Variants in WAC observed in about 807,000 individuals in gnomAD.
WAC encodes the protein WW domain containing adaptor with coiled-coil, also known as WW domain-containing adapter protein with coiled-coil.
Under a neutral mutation model 79.6 loss-of-function variants are expected in WAC, and 11 were observed. The ratio of observed to expected loss-of-function variants is 0.14; its 90% CI spans 0.09 to 0.23. The LOEUF (loss-of-function observed/expected upper bound fraction) is 0.23. WAC is among the 10% of genes least tolerant of loss of function. WAC has a pLI of 1.00. For missense variants in WAC, 728 were observed against 773.5 expected (o/e 0.94, Z 0.70); for synonymous variants, 304 against 276.9 (o/e 1.10, Z -0.97).
intron 3 of WAC, among the ~76,000 whole-genome samples, chr10:28,564,075 A>C (rs1000593749): frequency 6.6e-6 from 1 of 151,834 alleles, no homozygotes; most frequent in African/African-American, 2.4e-5. Flanking sequence ...TCAGTTTGAG[A>C]CCAGGCTGGG....
chr10:28,554,979 T>C (rs1055936379), intron 3 of WAC, among the ~76,000 whole-genome samples: 10 of 152,226 alleles, frequency 6.6e-5, no homozygotes, highest in Non-Finnish European at 1.3e-4. Flanking sequence ...ATATCCGTTA[T>C]CACATATAAT....
chr10:28,614,114 T>G, intron 10 of WAC, among the ~76,000 whole-genome samples: 1 of 152,202 alleles, frequency 6.6e-6, no homozygotes, highest in East Asian at 1.9e-4. Flanking sequence ...TAGTTACTTT[T>G]TTTTTTTTTG....
At chr10:28,556,501 G>A (rs370673990) in intron 3 of WAC, among the ~76,000 whole-genome samples, 1 of 134,856 alleles carries the variant, frequency 7.4e-6, no homozygotes, top group Non-Finnish European at 1.5e-5. Context: ...CTACTATTTT[G>A]TAGGTTGTTT....
chr10:28,574,754 C>G (rs1227036131), intron 3 of WAC, among the ~76,000 whole-genome samples: 1 of 152,126 alleles, frequency 6.6e-6, no homozygotes, highest in Non-Finnish European at 1.5e-5. Context: ...AAGAATAATG[C>G]ATTATGAATA....
intron 3 of WAC, among the ~76,000 whole-genome samples, chr10:28,559,135 G>GGTGTGTGTGTGTGTGT (rs750941388): frequency 0.016 from 1,034 of 64,794 alleles, 10 homozygotes; most frequent in African/African-American, 0.07. Flanking sequence ...CGAGAAACCT[G>GGTGTGTGTGTGTGTGT]ATGTGTGTGT....
intron 3 of WAC, among the ~76,000 whole-genome samples, chr10:28,559,136 A>G (rs73609819): frequency 0.033 from 4,898 of 146,730 alleles, 114 homozygotes; most frequent in African/African-American, 0.068. Flanking sequence ...GAGAAACCTG[A>G]TGTGTGTGTG....
chr10:28,558,251 A>G (rs777647229), intron 3 of WAC, among the ~76,000 whole-genome samples: 3 of 151,882 alleles, frequency 2.0e-5, no homozygotes, highest in Non-Finnish European at 2.9e-5. Flanking sequence ...TTTGTTCTCT[A>G]GTGTTTAAAA....
intron 6 of WAC, chr10:28,591,587 C>T (rs766665727): frequency 6.6e-6 from 1 of 152,308 alleles, no homozygotes; most frequent in Middle Eastern, 3.4e-3. Flanking sequence ...CTCCCAGTGC[C>T]GTGGCTCATG....
intron 6 of WAC, among the ~76,000 whole-genome samples, chr10:28,592,301 A>G (rs1445793029): frequency 6.6e-6 from 1 of 152,180 alleles, no homozygotes; most frequent in East Asian, 1.9e-4. Flanking sequence ...TTTTTTGAGC[A>G]AATTGCAGGG....
intron 3 of WAC, among the ~76,000 whole-genome samples, chr10:28,548,808 G>C (rs1799455297): frequency 6.6e-6 from 1 of 152,140 alleles, no homozygotes; most frequent in Admixed American, 6.5e-5. Flanking sequence ...GCTGTCCAGT[G>C]TGGTAGCCAC....
intron 3 of WAC, among the ~76,000 whole-genome samples, chr10:28,549,224 G>A (rs1837532990): frequency 6.6e-6 from 1 of 152,142 alleles, no homozygotes; most frequent in South Asian, 2.1e-4. Flanking sequence ...TATGGTGTTG[G>A]CTTTCCTTTC....
intron 2 of WAC, 108 bp downstream of exon 2, chr10:28,534,142 C>A: frequency 9.0e-7 from 1 of 1,108,854 alleles, no homozygotes; most frequent in Non-Finnish European, 1.3e-6. Context: ...TTCGGTGCAA[C>A]ACATCTGAAA....
intron 13 of WAC, 101 bp downstream of exon 13, chr10:28,617,885 T>G: frequency 7.6e-7 from 1 of 1,311,888 alleles, no homozygotes; most frequent in Non-Finnish European, 1.0e-6. Flanking sequence ...AATGTAAAGT[T>G]CTCTTCGATA....
At chr10:28,535,532 C>T (rs1564368609) in intron 2 of WAC, 30 bp from the exon 3 acceptor site, 10 of 1,524,988 alleles carry the variant, frequency 6.6e-6, no homozygotes, top group African/African-American at 1.4e-5. Context: ...AATTCTTTCT[C>T]TCTTTTTTTG....
chr10:28,555,351 A>G lies in WAC; in HGVS notation c.274+19594A>G, dbSNP rs950265213. 4.6e-5 allele frequency among the ~76,000 whole-genome samples: 7 copies of G among 152,354 alleles called. No individual in the cohort carries two copies. In the East Asian group the frequency reaches 1.2e-3, roughly 25 times the overall value. On this transcript the variant is annotated intron_variant, in intron 3 of 13. Transcript: ENST00000354911. ...GTTTACTCAGTCACATGAACATTGTAGTTCCTTGAGCATTCCAGGCACATT... is the reference window on the plus strand; with the variant it reads ...GTTTACTCAGTCACATGAACATTGTGGTTCCTTGAGCATTCCAGGCACATT...
At position 28,621,215 on chromosome 10, in the gene WAC, A is replaced by ATTTTTTTTTTTTTTTTT. The variant is rs9331408; in HGVS notation, c.*1613_*1629dup. The ATTTTTTTTTTTTTTTTT allele has an allele frequency of 2.9e-5, 3 of 102,504 alleles. No homozygotes were observed. Among genetic ancestry groups the ATTTTTTTTTTTTTTTTT allele is most frequent in the Non-Finnish European group, 3.9e-5 (2 of 51,872 alleles). 6.3% of individuals were successfully genotyped at this position (102,504 alleles called of 1,614,324 possible). A position where few individuals can be genotyped will look rare whatever the true frequency, so the allele number is the denominator to read the frequency against. ...TAAATTGGTTTAGGGTTTTTTGGTG[A>ATTTTTTTTTTTTTTTTT]TTTTTTTTTTTTTTTTTTTTCTGTT... On this transcript the variant is annotated 3_prime_UTR_variant, in exon 14 of 14. Coordinates refer to ENST00000354911, the MANE Select transcript of WAC (RefSeq NM_016628.5).
At chr10:28,559,723 T>G (rs1328623493) in intron 3 of WAC, among the ~76,000 whole-genome samples, 1 of 152,200 alleles carries the variant, frequency 6.6e-6, no homozygotes, top group African/African-American at 2.4e-5. Flanking sequence ...ATTGTTAGGT[T>G]AATTTACGGC....
At chr10:28,599,772 A>G (rs1840551747) in intron 7 of WAC, among the ~76,000 whole-genome samples, 1 of 152,272 alleles carries the variant, frequency 6.6e-6, no homozygotes, top group South Asian at 2.1e-4. Context: ...TTATTTTTGC[A>G]GAGAACAGTC....
chr10:28,553,085 T>C (rs900092170), intron 3 of WAC, among the ~76,000 whole-genome samples: 1 of 152,096 alleles, frequency 6.6e-6, no homozygotes, highest in Non-Finnish European at 1.5e-5. Flanking sequence ...TGGAATATTT[T>C]CCCCCAATGT....
Sources: allele counts gnomAD v4.1 joint callset (sites outside exome capture counted in the v4.1 genomes callset), GRCh38; gene constraint gnomAD v4.1.1; transcripts MANE v1.5; gene names NCBI Gene and HGNC (gene_info 2026-07-23, HGNC 2026-07-21).